The following FAM120B variants were observed in gnomAD, a reference collection of about 807,000 sequenced individuals.
FAM120B encodes the protein family with sequence similarity 120 member B.
FAM120B carries 83 observed loss-of-function variants against 96.3 expected under a neutral mutation model. The ratio of observed to expected loss-of-function variants is 0.86; its 90% CI spans 0.72 to 1.03. The LOEUF (loss-of-function observed/expected upper bound fraction) is 1.03. Among genes scored for constraint, FAM120B ranks in the 50% least tolerant of loss-of-function variants. The pLI is 0.00. For missense variants in FAM120B, 1,027 were observed against 1,121.2 expected, an observed-to-expected ratio of 0.92 and a Z score of 1.20; for synonymous variants, 407 against 402.7, an observed-to-expected ratio of 1.01 and a Z score of -0.13.
Position 170,395,476 on chromosome 6 carries a change from T to C in FAM120B, c.2600-11T>C. ...ACAACTTACTAATCTTCTGACTATG[T>C]GTTCCCACAGGGAGGTGGGGAAGAC... On this transcript the variant is annotated splice_polypyrimidine_tract_variant and intron_variant, in intron 8 of 10. Coordinates refer to ENST00000476287, the MANE Select transcript of FAM120B (RefSeq NM_032448.3). 6.3e-7 allele frequency: 1 copy of C among 1,575,552 alleles called. No homozygotes were observed. Among genetic ancestry groups the C allele is most frequent in the Non-Finnish European group, 8.6e-7 (1 of 1,158,692 alleles).
At chr6:170,385,739 C>T (rs1287830611) in intron 6 of FAM120B, among the ~76,000 whole-genome samples, 1 of 152,186 alleles carries the variant, frequency 6.6e-6, no homozygotes, top group African/African-American at 2.4e-5. Flanking sequence ...AGATGTCCTT[C>T]AGTGGGTGAT....
At chr6:170,394,630 C>T (rs12201417) in intron 8 of FAM120B, among the ~76,000 whole-genome samples, 1 of 41,070 alleles carries the variant, frequency 2.4e-5, no homozygotes. Flanking sequence ...GCCACGCCTC[C>T]GTGGACACCG....
At chr6:170,380,816 T>C (rs971672084) in intron 6 of FAM120B, among the ~76,000 whole-genome samples, 1 of 152,248 alleles carries the variant, frequency 6.6e-6, no homozygotes, top group Non-Finnish European at 1.5e-5. Flanking sequence ...ATTTACTTCA[T>C]TGGTCACTTT....
Position 170,319,089 on chromosome 6 carries a change from C to T in FAM120B, c.1699C>T (p.Gln567Ter). ...PTNVGPEVKQ[Q>*]VTMVSDTEIL... ...AAATGTGGGGCCTGAAGTAAAGCAACAAGTAACCATGGTTTCAGACACTGA... is the reference window on the plus strand; with the variant it reads ...AAATGTGGGGCCTGAAGTAAAGCAATAAGTAACCATGGTTTCAGACACTGA... Residue 567 changes from glutamine to a stop codon, truncating the protein, a stop_gained, in exon 2 of 11, where the codon CAA becomes TAA. Coordinates refer to ENST00000476287, the MANE Select transcript of FAM120B (RefSeq NM_032448.3). LOFTEE classifies it high-confidence loss of function. The T allele has an allele frequency of 4.4e-6, 7 of 1,581,054 alleles. No homozygotes were observed. Among genetic ancestry groups the T allele is most frequent in the Non-Finnish European group, 6.0e-6 (7 of 1,165,906 alleles).
In FAM120B at chr6:170,403,545, G is replaced by T. The variant is rs997287961; in HGVS notation, c.2693-1005G>T. 6.6e-5 allele frequency among the ~76,000 whole-genome samples: 10 copies of T among 152,262 alleles called. No homozygotes were observed. The East Asian group carries it at 1.9e-3, about 29-fold the overall frequency. ...TGGAGCCTGAGTGTGTGGACAGGTAGGGGGTCCTGGGGAGCCTGGCCTGAA... is the reference window on the plus strand; with the variant it reads ...TGGAGCCTGAGTGTGTGGACAGGTATGGGGTCCTGGGGAGCCTGGCCTGAA... On this transcript the variant is annotated intron_variant, in intron 9 of 10. Coordinates refer to ENST00000476287, the MANE Select transcript of FAM120B (RefSeq NM_032448.3).
chr6:170,303,273 T>C (rs900074331), upstream of FAM120B, among the ~76,000 whole-genome samples: 3 of 152,182 alleles, frequency 2.0e-5, no homozygotes, highest in African/African-American at 7.2e-5. Flanking sequence ...AGCGTCCTAC[T>C]CTGTCACCCA....
chr6:170,361,070 G>A (rs1212849247), intron 6 of FAM120B, among the ~76,000 whole-genome samples: 1 of 151,724 alleles, frequency 6.6e-6, no homozygotes, highest in Non-Finnish European at 1.5e-5. Context: ...GCCACTGTTG[G>A]GTAGGTGGCT....
At chr6:170,356,776 T>C (rs573015875) in intron 5 of FAM120B, among the ~76,000 whole-genome samples, 149 of 152,294 alleles carry the variant, frequency 9.8e-4, no homozygotes, top group African/African-American at 3.2e-3. Flanking sequence ...TGTACTCTCA[T>C]TTGGTCTGAC....
chr6:170,384,590 G>A (rs115815500), intron 6 of FAM120B, among the ~76,000 whole-genome samples: 2,675 of 152,222 alleles, frequency 0.018, 84 homozygotes, highest in African/African-American at 0.062. Flanking sequence ...GATTATTTCC[G>A]GATTCTCTAG....
chr6:170,307,572 G>A (rs1422462252), intron 1 of FAM120B, among the ~76,000 whole-genome samples: 1 of 152,218 alleles, frequency 6.6e-6, no homozygotes. Flanking sequence ...GAACATAAAT[G>A]TTTAAGACAT....
upstream of FAM120B, among the ~76,000 whole-genome samples, chr6:170,302,403 A>G (rs1237918063): frequency 3.9e-5 from 6 of 152,274 alleles, no homozygotes; most frequent in Non-Finnish European, 8.8e-5. Context: ...CTACAGTTCA[A>G]GATGAGATTT....
intron 6 of FAM120B, among the ~76,000 whole-genome samples, chr6:170,383,686 C>G (rs1293464105): frequency 1.3e-5 from 2 of 152,222 alleles, no homozygotes; most frequent in African/African-American, 2.4e-5. Context: ...TATACACTAG[C>G]CTCTTACATG....
intron 6 of FAM120B, among the ~76,000 whole-genome samples, chr6:170,361,204 A>G (rs796649846): frequency 0.11 from 9,117 of 86,174 alleles, 764 homozygotes; most frequent in African/African-American, 0.16. Flanking sequence ...ACGTGTATAT[A>G]TATATATATA....
At chr6:170,356,958 A>G (rs1425766494) in intron 5 of FAM120B, among the ~76,000 whole-genome samples, 1 of 152,176 alleles carries the variant, frequency 6.6e-6, no homozygotes, top group Non-Finnish European at 1.5e-5. Flanking sequence ...GAGTAAGAGC[A>G]TTGGCAGGTC....
intron 4 of FAM120B, among the ~76,000 whole-genome samples, chr6:170,335,196 G>T (rs866502535): frequency 6.6e-6 from 1 of 151,316 alleles, no homozygotes; most frequent in African/African-American, 2.4e-5. Flanking sequence ...TCCTAATGCT[G>T]CCCCTCCCCT....
At chr6:170,341,702 C>T (rs147054499) in intron 4 of FAM120B, among the ~76,000 whole-genome samples, 2 of 152,130 alleles carry the variant, frequency 1.3e-5, no homozygotes, top group South Asian at 2.1e-4. Context: ...TGGATAGCAC[C>T]ATCCCTCATG....
At chr6:170,313,562 T>C (rs1784725342) in intron 1 of FAM120B, among the ~76,000 whole-genome samples, 1 of 152,256 alleles carries the variant, frequency 6.6e-6, no homozygotes, top group Non-Finnish European at 1.5e-5. Context: ...TGCTGCTTAC[T>C]CTCCATTAGA....
At position 170,317,554 on chromosome 6, in the gene FAM120B, C is replaced by T. The variant is rs1784974915; in HGVS notation, c.164C>T (p.Pro55Leu). ...TGTTGTCTCAGATATTGGTATACTC[C>T]AGAATCTTGGATCTGCGGTGGCCAG... is the stretch of plus-strand genomic sequence containing the variant. ...AMCCLRYWYT[P>L]ESWICGGQWR... Residue 55 changes from proline (P) to leucine (L), a missense_variant, in exon 2 of 11, where the codon CCA (proline) becomes CTA (leucine). Pro to Leu is a moderately conservative substitution (Grantham distance 98). Transcript: ENST00000476287. 2 of 1,614,068 alleles carry T rather than the reference C, an allele frequency of 1.2e-6. No individual in the cohort carries two copies. The highest frequency in any genetic ancestry group is 8.5e-7 in the Non-Finnish European group (1 of 1,180,038).
chr6:170,398,040 A>T (rs901363894), intron 9 of FAM120B, among the ~76,000 whole-genome samples: 3 of 152,088 alleles, frequency 2.0e-5, no homozygotes, highest in Admixed American at 2.0e-4. Flanking sequence ...GGGGATAGTC[A>T]AGAGAGTCCA....
Sources: gnomAD v4.1 joint callset for allele counts (sites outside exome capture counted in the v4.1 genomes callset) on GRCh38, gnomAD v4.1.1 for gene constraint, MANE v1.5 for transcripts, NCBI Gene and HGNC (gene_info 2026-07-23, HGNC 2026-07-21) for gene names.